Variants in KCNIP4 observed in about 807,000 individuals in gnomAD.
KCNIP4 encodes Kv channel-interacting protein 4.
A neutral mutation model predicts 34.0 loss-of-function variants in KCNIP4; 12 were observed. That is an observed-to-expected ratio of 0.35 (90% CI 0.23 to 0.57). The LOEUF (loss-of-function observed/expected upper bound fraction) is 0.57, where lower values mean the gene tolerates loss of function less well. Among genes scored for constraint, KCNIP4 ranks in the 20% least tolerant of loss-of-function variants. KCNIP4 has a pLI of 0.83. For missense variants in KCNIP4, 238 were observed against 311.7 expected (o/e 0.76, Z 1.78); for synonymous variants, 124 against 102.2 (o/e 1.21, Z -1.29).
chr4:21,936,801 C>T (rs1729886626), intron 1 of KCNIP4, among the ~76,000 whole-genome samples: 1 of 152,038 alleles, frequency 6.6e-6, no homozygotes, highest in Non-Finnish European at 1.5e-5. Context: ...TTTTAAAACT[C>T]TCTTTTTTCC....
At chr4:21,060,271 A>T (rs1743797521) in intron 1 of KCNIP4, among the ~76,000 whole-genome samples, 1 of 152,178 alleles carries the variant, frequency 6.6e-6, no homozygotes, top group African/African-American at 2.4e-5. Context: ...GCCTTAAAAA[A>T]TTAATTAAAT....
chr4:21,065,767 A>ATATATATATAT (rs1553933180), intron 1 of KCNIP4, among the ~76,000 whole-genome samples: 2 of 96,246 alleles, frequency 2.1e-5, no homozygotes, highest in Non-Finnish European at 4.4e-5. Context: ...TATATATATA[A>ATATATATATAT]CTCAATTTTA....
intron 1 of KCNIP4, among the ~76,000 whole-genome samples, chr4:21,684,581 T>C (rs775510022): frequency 3.9e-5 from 6 of 152,202 alleles, no homozygotes; most frequent in African/African-American, 7.2e-5. Context: ...CATGTTATTG[T>C]AGTTTAAAAA....
chr4:21,221,638 G>T (rs1430864546), intron 1 of KCNIP4, among the ~76,000 whole-genome samples: 2 of 152,130 alleles, frequency 1.3e-5, no homozygotes, highest in African/African-American at 4.8e-5. Context: ...TATAGGGATT[G>T]CAATTCAAGA....
chr4:21,266,975 C>T (rs1203888623), intron 1 of KCNIP4, among the ~76,000 whole-genome samples: 1 of 152,174 alleles, frequency 6.6e-6, no homozygotes, highest in African/African-American at 2.4e-5. Flanking sequence ...TAGTCTATGT[C>T]TCAGTTTCCT....
chr4:21,012,465 T>C (rs918040772), intron 1 of KCNIP4, among the ~76,000 whole-genome samples: 4 of 152,042 alleles, frequency 2.6e-5, no homozygotes, highest in African/African-American at 9.7e-5. Flanking sequence ...GCATCTGTAG[T>C]CCCAATTAAT....
intron 1 of KCNIP4, among the ~76,000 whole-genome samples, chr4:21,699,744 C>T (rs1467008970): frequency 6.6e-6 from 1 of 152,096 alleles, no homozygotes; most frequent in Non-Finnish European, 1.5e-5. Context: ...TCCGGGGCTA[C>T]AGTATGTGAA....
intron 1 of KCNIP4, among the ~76,000 whole-genome samples, chr4:20,999,415 TTTTTTTTTTTTGTTTGTTTTTTG>T (rs1312327579): frequency 0.076 from 148 of 1,936 alleles, 3 homozygotes; most frequent in African/African-American, 0.26. Flanking sequence ...TGTGGTGGTG[TTTTTTTTTTTTGTTTGTTTTTTG>T]TTTTTTTTTT....
chr4:21,633,887 A>T (rs1745931383), intron 1 of KCNIP4, among the ~76,000 whole-genome samples: 1 of 152,072 alleles, frequency 6.6e-6, no homozygotes, highest in Non-Finnish European at 1.5e-5. Flanking sequence ...GCATTGCTTT[A>T]CATTTTTGCA....
intron 1 of KCNIP4, among the ~76,000 whole-genome samples, chr4:21,188,000 G>A (rs1178832363): frequency 2.0e-5 from 3 of 152,110 alleles, no homozygotes; most frequent in Admixed American, 6.6e-5. Context: ...GACAATTGCT[G>A]CCAATTCCCA....
chr4:21,474,953 A>T (rs924594816), intron 1 of KCNIP4, among the ~76,000 whole-genome samples: 1 of 150,032 alleles, frequency 6.7e-6, no homozygotes, highest in Non-Finnish European at 1.5e-5. Flanking sequence ...GTGAGCCGAG[A>T]CTGCACCACT....
At chr4:21,132,853 C>CAAAAAAAAAAAAA (rs71189683) in intron 1 of KCNIP4, among the ~76,000 whole-genome samples, 1 of 116,700 alleles carries the variant, frequency 8.6e-6, no homozygotes. Flanking sequence ...TACTAAACGA[C>CAAAAAAAAAAAAA]AAAAAAAAAA....
chr4:21,631,005 C>A (rs1032191346), intron 1 of KCNIP4, among the ~76,000 whole-genome samples: 1 of 152,168 alleles, frequency 6.6e-6, no homozygotes, highest in African/African-American at 2.4e-5. Flanking sequence ...CTCTCTAGTT[C>A]ACCTGGCTAC....
chr4:21,788,689 A>C (rs1452067112), intron 1 of KCNIP4, among the ~76,000 whole-genome samples: 1 of 152,210 alleles, frequency 6.6e-6, no homozygotes, highest in Non-Finnish European at 1.5e-5. Flanking sequence ...CTATAAAAAT[A>C]GTTACCATTC....
intron 1 of KCNIP4, among the ~76,000 whole-genome samples, chr4:21,331,562 T>G (rs191710142): frequency 6.6e-6 from 1 of 152,248 alleles, no homozygotes; most frequent in Admixed American, 6.5e-5. Flanking sequence ...TTTGGCTCAT[T>G]TATTCACTAG....
chr4:21,628,424 C>A (rs867756359), intron 1 of KCNIP4, among the ~76,000 whole-genome samples: 49 of 152,200 alleles, frequency 3.2e-4, no homozygotes, highest in African/African-American at 9.9e-4. Context: ...GTGTGTAAGT[C>A]CTAGCACATG....
chr4:21,280,214 C>T (rs941340493), intron 1 of KCNIP4, among the ~76,000 whole-genome samples: 4 of 152,156 alleles, frequency 2.6e-5, no homozygotes, highest in Non-Finnish European at 5.9e-5. Flanking sequence ...TTGCTAAACA[C>T]AGCAACTATG....
intron 1 of KCNIP4, among the ~76,000 whole-genome samples, chr4:21,333,669 A>AT (rs1351600993): frequency 1.3e-5 from 2 of 151,680 alleles, no homozygotes; most frequent in Admixed American, 1.3e-4. Flanking sequence ...TAACCATTAA[A>AT]TTTTTTTCCA....
chr4:20,980,701 G>A (rs956250794), intron 1 of KCNIP4, among the ~76,000 whole-genome samples: 14 of 151,832 alleles, frequency 9.2e-5, no homozygotes, highest in African/African-American at 3.4e-4. Flanking sequence ...ATTCCATGAT[G>A]GTACCATTGA....
Sources: gnomAD v4.1 joint callset for allele counts (sites outside exome capture counted in the v4.1 genomes callset) on GRCh38, gnomAD v4.1.1 for gene constraint, MANE v1.5 for transcripts, NCBI Gene and HGNC (gene_info 2026-07-23, HGNC 2026-07-21) for gene names.